Variants in NRXN1 observed in about 807,000 individuals in gnomAD.
The protein encoded by NRXN1 is neurexin-1.
NRXN1 carries 39 observed loss-of-function variants against 150.9 expected under a neutral mutation model. That is an observed-to-expected ratio of 0.26 (90% CI 0.20 to 0.34). The LOEUF is 0.34. NRXN1 is among the 10% of genes least tolerant of loss of function. The pLI, the probability that NRXN1 is intolerant of heterozygous loss-of-function variation, is 1.00. For missense variants in NRXN1, 1,815 were observed against 1,949.9 expected (o/e 0.93, Z 1.30); for synonymous variants, 924 against 757.0 (o/e 1.22, Z -3.62).
chr2:50,807,566 G>A (rs1667667279), intron 5 of NRXN1, among the ~76,000 whole-genome samples: 1 of 152,134 alleles, frequency 6.6e-6, no homozygotes, highest in Non-Finnish European at 1.5e-5. Context: ...GGCAGGCCTT[G>A]TTAACAGTGT....
At chr2:50,829,318 T>C in intron 5 of NRXN1, 1 of 649,002 alleles carries the variant, frequency 1.5e-6, no homozygotes, top group Non-Finnish European at 2.7e-6. Context: ...TTAGTAGAGA[T>C]GGGGTTTCTC....
intron 17 of NRXN1, among the ~76,000 whole-genome samples, chr2:50,438,434 G>A (rs912131556): frequency 7.4e-6 from 1 of 136,052 alleles, no homozygotes; most frequent in Non-Finnish European, 1.5e-5. Flanking sequence ...GACTGCACTG[G>A]AACTGGGGGG....
At chr2:50,851,982 C>T (rs190655270) in intron 5 of NRXN1, among the ~76,000 whole-genome samples, 24 of 152,250 alleles carry the variant, frequency 1.6e-4, no homozygotes, top group African/African-American at 4.6e-4. Context: ...CTCCAAAGGA[C>T]GCGAATGTCT....
chr2:50,582,598 C>T (rs111439690), intron 8 of NRXN1, among the ~76,000 whole-genome samples: 2,849 of 148,160 alleles, frequency 0.019, 60 homozygotes, highest in Middle Eastern at 0.056. Flanking sequence ...AAGCCACTAG[C>T]AAAACTAGCA....
At chr2:50,047,683 C>T (rs910718182) in intron 21 of NRXN1, among the ~76,000 whole-genome samples, 1 of 149,678 alleles carries the variant, frequency 6.7e-6, no homozygotes, top group Non-Finnish European at 1.5e-5. Flanking sequence ...CCCTTCCACA[C>T]ACAGGCATCC....
chr2:50,939,102 C>A (rs1574990267), intron 2 of NRXN1, among the ~76,000 whole-genome samples: 1 of 149,342 alleles, frequency 6.7e-6, no homozygotes, highest in South Asian at 2.1e-4. Context: ...TCCCAGCTAC[C>A]TGGGAGGCTG....
intron 17 of NRXN1, among the ~76,000 whole-genome samples, chr2:50,350,652 AG>A (rs2078343017): frequency 6.6e-6 from 1 of 152,204 alleles, no homozygotes; most frequent in Admixed American, 6.5e-5. Flanking sequence ...TATAAGGAAA[AG>A]CCATAGAAAT....
At chr2:50,949,213 T>C (rs1690888713) in intron 2 of NRXN1, among the ~76,000 whole-genome samples, 1 of 151,994 alleles carries the variant, frequency 6.6e-6, no homozygotes, top group African/African-American at 2.4e-5. Context: ...TAATAACATG[T>C]GGGGCTCAAA....
chr2:50,164,692 C>T (rs900679407), intron 18 of NRXN1, among the ~76,000 whole-genome samples: 1 of 152,136 alleles, frequency 6.6e-6, no homozygotes, highest in Non-Finnish European at 1.5e-5. Context: ...TAGCAACCCC[C>T]ACCGCCTAAT....
At chr2:50,957,825 A>G (rs1173112468) in intron 2 of NRXN1, among the ~76,000 whole-genome samples, 3 of 152,166 alleles carry the variant, frequency 2.0e-5, no homozygotes, top group Non-Finnish European at 2.9e-5. Context: ...GACATTTAAA[A>G]CAATTCATAA....
chr2:50,323,501 C>A (rs1277291972), intron 17 of NRXN1, among the ~76,000 whole-genome samples: 1 of 151,808 alleles, frequency 6.6e-6, no homozygotes, highest in African/African-American at 2.4e-5. Context: ...AATGCAGAGG[C>A]CCCTGCAATG....
intron 5 of NRXN1, among the ~76,000 whole-genome samples, chr2:50,834,764 A>G (rs1477625551): frequency 6.6e-6 from 1 of 152,144 alleles, no homozygotes; most frequent in Admixed American, 6.5e-5. Flanking sequence ...ATTCCTAAGC[A>G]GGGCCCAACC....
intron 8 of NRXN1, among the ~76,000 whole-genome samples, chr2:50,582,456 G>A (rs1055443054): frequency 7.8e-6 from 1 of 128,222 alleles, no homozygotes; most frequent in African/African-American, 3.1e-5. Context: ...ACACCAGCCT[G>A]GGTAAGAGTG....
At chr2:50,699,097 T>C (rs971210258) in intron 5 of NRXN1, among the ~76,000 whole-genome samples, 8 of 152,212 alleles carry the variant, frequency 5.3e-5, no homozygotes, top group Non-Finnish European at 8.8e-5. Flanking sequence ...GCAGCCTGTA[T>C]GTACCATGCA....
intron 9 of NRXN1, among the ~76,000 whole-genome samples, chr2:50,546,433 A>T (rs1312264378): frequency 6.6e-6 from 1 of 152,166 alleles, no homozygotes; most frequent in Non-Finnish European, 1.5e-5. Context: ...CTCTGCTCTG[A>T]ATCTTTGCTT....
intron 17 of NRXN1, among the ~76,000 whole-genome samples, chr2:50,460,752 G>T (rs1271565327): frequency 1.3e-5 from 2 of 151,918 alleles, no homozygotes; most frequent in Non-Finnish European, 2.9e-5. Context: ...CCTGAGGCAG[G>T]TCTGACCCTG....
At chr2:50,981,402 C>G (rs1251669588) in intron 2 of NRXN1, among the ~76,000 whole-genome samples, 1 of 132,116 alleles carries the variant, frequency 7.6e-6, no homozygotes, top group African/African-American at 2.8e-5. Flanking sequence ...AGGTTGCAGT[C>G]AGCCAAGATC....
At chr2:50,769,679 T>A (rs1057368631) in intron 5 of NRXN1, among the ~76,000 whole-genome samples, 1 of 152,014 alleles carries the variant, frequency 6.6e-6, no homozygotes, top group Non-Finnish European at 1.5e-5. Context: ...ACCTGATCCT[T>A]TAGGACCATT....
At chr2:50,147,589 C>T (rs890547324) in intron 18 of NRXN1, among the ~76,000 whole-genome samples, 14 of 151,574 alleles carry the variant, frequency 9.2e-5, no homozygotes, top group Admixed American at 5.3e-4. Flanking sequence ...TGTTCAACTA[C>T]GTGATTGACT....
Sources: allele counts gnomAD v4.1 joint callset (sites outside exome capture counted in the v4.1 genomes callset), GRCh38; gene constraint gnomAD v4.1.1; transcripts MANE v1.5; gene names NCBI Gene and HGNC (gene_info 2026-07-23, HGNC 2026-07-21).